NRCAM: variants seen among roughly 807,000 people sequenced by gnomAD.
NRCAM encodes NgCAM-related cell adhesion molecule.
A neutral mutation model predicts 156.5 loss-of-function variants in NRCAM; 83 were observed. The ratio of observed to expected loss-of-function variants is 0.53; its 90% CI spans 0.44 to 0.64. The LOEUF (loss-of-function observed/expected upper bound fraction) is 0.64. Ranked by LOEUF, NRCAM falls within the 30% of genes least tolerant of loss-of-function variation. The probability of loss-of-function intolerance (pLI) is 0.00; values close to 1 mark genes in which losing one functional copy is unlikely to be tolerated. For synonymous variants in NRCAM, 538 were observed against 563.9 expected, an observed-to-expected ratio of 0.95 and a Z score of 0.65; for missense variants, 1,417 against 1,597.3, an observed-to-expected ratio of 0.89 and a Z score of 1.92.
chr7:108,263,127 C>T (rs2096945311), intron 3 of NRCAM, among the ~76,000 whole-genome samples: 1 of 152,204 alleles, frequency 6.6e-6, no homozygotes, highest in Non-Finnish European at 1.5e-5. Flanking sequence ...CCTACGGCCC[C>T]CACAGGAACC....
intron 2 of NRCAM, among the ~76,000 whole-genome samples, chr7:108,344,932 G>T (rs975217238): frequency 2.0e-5 from 3 of 152,106 alleles, no homozygotes; most frequent in Non-Finnish European, 4.4e-5. Context: ...ATGAAGTCAA[G>T]GATAAGGGGG....
intron 30 of NRCAM, among the ~76,000 whole-genome samples, chr7:108,164,534 T>G (rs546652876): frequency 1.1e-4 from 5 of 46,510 alleles, no homozygotes; most frequent in African/African-American, 2.4e-4. Context: ...TTGACATCCT[T>G]ACACCGCGGA....
chr7:108,455,798 G>A (rs1478951028), intron 1 of NRCAM, among the ~76,000 whole-genome samples: 1 of 152,106 alleles, frequency 6.6e-6, no homozygotes, highest in African/African-American at 2.4e-5. Flanking sequence ...CCGGCACTGT[G>A]GCGTGACGCC....
chr7:108,183,015 G>A (rs748603208), intron 22 of NRCAM, 95 bp from the exon 23 acceptor site: 241 of 998,616 alleles, frequency 2.4e-4, no homozygotes, highest in Non-Finnish European at 2.8e-4. Context: ...CCTACAGAAA[G>A]TGATCATTGA....
intron 15 of NRCAM, among the ~76,000 whole-genome samples, chr7:108,195,233 T>A (rs1397667656): frequency 6.6e-6 from 1 of 152,018 alleles, no homozygotes; most frequent in Non-Finnish European, 1.5e-5. Context: ...GATCTGTGCT[T>A]GATAGAGTGT....
chr7:108,278,297 CTGCAGAAGTCGTCTGCTGCCTTT>C (rs1291838783), intron 3 of NRCAM, among the ~76,000 whole-genome samples: 25 of 152,334 alleles, frequency 1.6e-4, no homozygotes, highest in Admixed American at 2.6e-4. Flanking sequence ...ACGTTTAAGT[CTGCAGAAGTCGTCTGCTGCCTTT>C]TGTTCAGATA....
At chr7:108,175,427 G>A (rs868185065) in intron 27 of NRCAM, 70 bp from the exon 28 acceptor site, 7 of 1,303,314 alleles carry the variant, frequency 5.4e-6, no homozygotes, top group Admixed American at 2.3e-5. Flanking sequence ...CATGTATAGC[G>A]ATACAAAAAC....
At chr7:108,336,811 CAAGTAAATAACTACAGT>C (rs1464547217) in intron 2 of NRCAM, among the ~76,000 whole-genome samples, 3 of 151,756 alleles carry the variant, frequency 2.0e-5, no homozygotes, top group African/African-American at 7.3e-5. Flanking sequence ...TAAATAATTA[CAAGTAAATAACTACAGT>C]TAAATAGATT....
At chr7:108,442,167 T>C (rs1334493951) in intron 1 of NRCAM, among the ~76,000 whole-genome samples, 1 of 152,158 alleles carries the variant, frequency 6.6e-6, no homozygotes, top group Non-Finnish European at 1.5e-5. Flanking sequence ...GAATTGGTCA[T>C]GGAGGTGGCT....
chr7:108,304,445 C>T (rs2098685506), intron 3 of NRCAM, among the ~76,000 whole-genome samples: 1 of 151,150 alleles, frequency 6.6e-6, no homozygotes, highest in Non-Finnish European at 1.5e-5. Context: ...TATACATATA[C>T]ATCTGAATGA....
chr7:108,230,581 GCCACCTTGT>G (rs756623326), intron 8 of NRCAM, among the ~76,000 whole-genome samples: 2 of 151,966 alleles, frequency 1.3e-5, no homozygotes, highest in Admixed American at 6.6e-5. Flanking sequence ...CATTAGTCTG[GCCACCTTGT>G]CCTCCTTGCT....
At chr7:108,363,429 C>T (rs997004519) in intron 2 of NRCAM, among the ~76,000 whole-genome samples, 12 of 152,134 alleles carry the variant, frequency 7.9e-5, no homozygotes, top group South Asian at 2.1e-4. Context: ...GGACGACAGG[C>T]GTGTGCCACC....
chr7:108,192,616 C>T (rs1303062642), intron 17 of NRCAM, among the ~76,000 whole-genome samples: 1 of 152,098 alleles, frequency 6.6e-6, no homozygotes, highest in African/African-American at 2.4e-5. Context: ...AGAATAGTTC[C>T]AGCATTAGCC....
At chr7:108,408,764 T>C (rs187604675) in intron 1 of NRCAM, among the ~76,000 whole-genome samples, 2 of 152,338 alleles carry the variant, frequency 1.3e-5, no homozygotes, top group African/African-American at 2.4e-5. Context: ...CCATGGAGCA[T>C]TGGGTTTCAT....
intron 1 of NRCAM, among the ~76,000 whole-genome samples, chr7:108,444,690 T>C (rs1008140106): frequency 3.3e-5 from 5 of 152,160 alleles, no homozygotes; most frequent in African/African-American, 1.2e-4. Flanking sequence ...TATCTCCAAA[T>C]TGCCTCTTTT....
intron 1 of NRCAM, among the ~76,000 whole-genome samples, chr7:108,434,745 G>A (rs1430029176): frequency 6.6e-6 from 1 of 152,106 alleles, no homozygotes; most frequent in Non-Finnish European, 1.5e-5. Context: ...ACTGACTACT[G>A]AACTATGCAG....
chr7:108,270,965 G>A (rs1006093885), intron 3 of NRCAM, among the ~76,000 whole-genome samples: 9 of 152,140 alleles, frequency 5.9e-5, no homozygotes, highest in Non-Finnish European at 1.2e-4. Context: ...GCTGGCACAA[G>A]GTGAATACAC....
intron 2 of NRCAM, among the ~76,000 whole-genome samples, chr7:108,334,696 T>C (rs1408976810): frequency 6.6e-6 from 1 of 152,194 alleles, no homozygotes; most frequent in Admixed American, 6.5e-5. Context: ...CATGGGGGCA[T>C]GGCCCACTGG....
At chr7:108,380,707 C>G (rs112944285) in intron 2 of NRCAM, among the ~76,000 whole-genome samples, 209 of 152,248 alleles carry the variant, frequency 1.4e-3, no homozygotes, top group African/African-American at 4.6e-3. Flanking sequence ...GGATGTTGCT[C>G]TGTTGCTCAG....
Sources: gnomAD v4.1 joint callset for allele counts (sites outside exome capture counted in the v4.1 genomes callset) on GRCh38, gnomAD v4.1.1 for gene constraint, MANE v1.5 for transcripts, NCBI Gene and HGNC (gene_info 2026-07-23, HGNC 2026-07-21) for gene names.